Variants in PRKDC observed in about 807,000 individuals in gnomAD.
PRKDC encodes the protein protein kinase, DNA-activated, catalytic subunit.
A neutral mutation model predicts 486.9 loss-of-function variants in PRKDC; 82 were observed. That is an observed-to-expected ratio of 0.17 (90% CI 0.14 to 0.20). PRKDC has a LOEUF of 0.20. Ranked by LOEUF, PRKDC falls within the 10% of genes least tolerant of loss-of-function variation. The pLI is 1.00. For missense variants in PRKDC, 4,504 were observed against 5,038.2 expected (o/e 0.89, Z 3.21); for synonymous variants, 1,895 against 1,837.0 (o/e 1.03, Z -0.81).
At chr8:47,885,512 C>G (rs1214741887) in intron 36 of PRKDC, among the ~76,000 whole-genome samples, 5 of 152,028 alleles carry the variant, frequency 3.3e-5, no homozygotes, top group African/African-American at 7.3e-5. Context: ...TTGTTAAAAG[C>G]AAGAGCTTTC....
rs762432151 is a variant in PRKDC, at chr8:47,897,249, C to G, written c.3510G>C (p.Lys1170Asn). 1 of 1,607,396 alleles carries G rather than the reference C, an allele frequency of 6.2e-7. No homozygotes were observed. Among genetic ancestry groups the G allele is most frequent in the Non-Finnish European group, 8.5e-7 (1 of 1,174,558 alleles). ...SASLCLLDLVKWLLAHCGRPQ... is the reference protein window; with the variant it reads ...SASLCLLDLVNWLLAHCGRPQ... The stretch of plus-strand genomic sequence containing the variant: ...GCCTCCCACAATGAGCTAAAAGCCA[C>G]TTGACCAGATCCAATAAACACAATG... The change falls in exon 30 of 86, where the codon AAG (lysine) becomes AAC (asparagine). Residue 1170 changes from lysine (K) to asparagine (N), a missense_variant. Lys to Asn is a moderately conservative substitution (Grantham distance 94). Transcript: ENST00000314191.
At chr8:47,958,470 A>C (rs1279966156) in intron 1 of PRKDC, among the ~76,000 whole-genome samples, 1 of 152,132 alleles carries the variant, frequency 6.6e-6, no homozygotes, top group Non-Finnish European at 1.5e-5. Flanking sequence ...TAAACCACTA[A>C]GCTTGTGGTA....
chr8:47,929,059 T>C (rs184924798), intron 19 of PRKDC, 33 bp downstream of exon 19: 382 of 1,368,774 alleles, frequency 2.8e-4, no homozygotes, highest in Non-Finnish European at 3.6e-4. Context: ...AAACAGTTCA[T>C]GATAACACTA....
At chr8:47,868,451 C>G (rs539977792) in intron 40 of PRKDC, among the ~76,000 whole-genome samples, 3 of 151,890 alleles carry the variant, frequency 2.0e-5, no homozygotes, top group Admixed American at 6.6e-5. Context: ...GCCTGTAGTT[C>G]CAGCTACTAG....
intron 40 of PRKDC, among the ~76,000 whole-genome samples, chr8:47,874,908 T>C (rs1354442611): frequency 6.6e-6 from 1 of 151,812 alleles, no homozygotes; most frequent in Non-Finnish European, 1.5e-5. Context: ...AATACAAAAC[T>C]AGCTGGTGTG....
chr8:47,862,672 A>ATT, intron 42 of PRKDC, 131 bp from the exon 43 acceptor site: 1 of 780,656 alleles, frequency 1.3e-6, no homozygotes, highest in Non-Finnish European at 1.9e-6. Flanking sequence ...CAGGCAGAGT[A>ATT]TTAGGCACTG....
chr8:47,890,122 G>T, intron 32 of PRKDC, 135 bp downstream of exon 32: 1 of 369,986 alleles, frequency 2.7e-6, no homozygotes. Context: ...GGGTTGAGAG[G>T]ATGAAATATA....
chr8:47,957,998 T>C (rs2090736390), intron 1 of PRKDC, among the ~76,000 whole-genome samples: 1 of 150,922 alleles, frequency 6.6e-6, no homozygotes, highest in Non-Finnish European at 1.5e-5. Context: ...TAAATGTATA[T>C]AGCAAAAGGA....
intron 36 of PRKDC, among the ~76,000 whole-genome samples, chr8:47,883,949 C>A (rs1275501824): frequency 6.6e-6 from 1 of 152,234 alleles, no homozygotes; most frequent in Non-Finnish European, 1.5e-5. Flanking sequence ...GGATCACTGT[C>A]ACTGACCCAG....
intron 76 of PRKDC, among the ~76,000 whole-genome samples, chr8:47,786,844 C>T (rs1042833695): frequency 2.0e-4 from 30 of 148,836 alleles, no homozygotes; most frequent in Admixed American, 8.9e-4. Flanking sequence ...ATTCTCTTGC[C>T]TCACCCTCCT....
chr8:47,832,827 CG>C lies in PRKDC; in HGVS notation c.8153-902del, dbSNP rs1192949727. Among the ~76,000 whole-genome samples, 10 of 152,322 alleles carry C rather than the reference CG, an allele frequency of 6.6e-5. No individual in the cohort carries two copies. The East Asian group carries it at 1.3e-3, about 21-fold the overall frequency. On this transcript the variant is annotated intron_variant, in intron 59 of 85. Transcript: ENST00000314191. ...ATATGCCCAGAAAAACAGACTGAAACGGATCTACGCCCAAGGACACTTGTGC... is the reference window on the plus strand; with the variant it reads ...ATATGCCCAGAAAAACAGACTGAAACGATCTACGCCCAAGGACACTTGTGC...
In PRKDC at chr8:47,929,074, A is replaced by G. The variant is rs2090206105; in HGVS notation, c.2139+18T>C. Reference sequence around the variant, plus strand: ...AAACAGTTCATGATAACACTAAGATAAATCATTTAAAAATTACCTCTTTGC... The same window carrying G: ...AAACAGTTCATGATAACACTAAGATGAATCATTTAAAAATTACCTCTTTGC... On this transcript the variant is annotated intron_variant, in intron 19 of 85. Transcript: ENST00000314191. The G allele has an allele frequency of 1.4e-6, 2 of 1,458,816 alleles. No individual in the cohort carries two copies. 90.4% of individuals were successfully genotyped at this position (1,458,816 alleles called of 1,614,324 possible). A position where few individuals can be genotyped will look rare whatever the true frequency, so the allele number is the denominator to read the frequency against.
chr8:47,811,496 T>C (rs905402462), intron 68 of PRKDC, among the ~76,000 whole-genome samples: 2 of 152,156 alleles, frequency 1.3e-5, no homozygotes, highest in African/African-American at 4.8e-5. Flanking sequence ...GTGGTAAGTA[T>C]AATAAAGAAC....
chr8:47,850,862 T>C (rs1470686184), intron 52 of PRKDC, among the ~76,000 whole-genome samples: 1 of 152,126 alleles, frequency 6.6e-6, no homozygotes, highest in Non-Finnish European at 1.5e-5. Flanking sequence ...CAGGCTGGAG[T>C]GCAGTGGTGT....
rs1354256677 is a variant in PRKDC, at chr8:47,783,654, T to C, written c.11175+88A>G. On this transcript the variant is annotated intron_variant, in intron 78 of 85. Transcript: ENST00000314191. Reference sequence around the variant, plus strand: ...ATATATCTGTGATCAACATGGGCCGTTGTCTCATATACTAAAGGCAAACAG... The same window carrying C: ...ATATATCTGTGATCAACATGGGCCGCTGTCTCATATACTAAAGGCAAACAG... 27 of 1,275,620 alleles carry C rather than the reference T, an allele frequency of 2.1e-5. No homozygotes were observed. In the Admixed American group the frequency reaches 2.9e-4, roughly 14 times the overall value. The allele number at this position is 1,275,620 out of a possible 1,614,324, so 79.0% of individuals were successfully genotyped here.
chr8:47,840,256 A>C, intron 54 of PRKDC, 67 bp from the exon 55 acceptor site: 2 of 1,325,090 alleles, frequency 1.5e-6, no homozygotes, highest in Non-Finnish European at 1.0e-6. Flanking sequence ...AAAGTATGAC[A>C]GGCAACTTTT....
At chr8:47,791,399 C>T (rs774737940) in intron 74 of PRKDC, among the ~76,000 whole-genome samples, 7 of 152,064 alleles carry the variant, frequency 4.6e-5, no homozygotes, top group South Asian at 2.1e-4. Context: ...CGCTTGAACC[C>T]GGGAGGCGCA....
chr8:47,957,270 T>G lies in PRKDC; in HGVS notation c.232-7A>C. ...CTTCTCTACATTCACGAAACTGTAA[T>G]GAAAGAGATACATATTGTAAATATG... On this transcript the variant is annotated splice_polypyrimidine_tract_variant and splice_region_variant and intron_variant, in intron 2 of 85. Coordinates refer to ENST00000314191, the MANE Select transcript of PRKDC (RefSeq NM_006904.7). 6.3e-7 allele frequency: 1 copy of G among 1,589,276 alleles called. No homozygotes were observed. Among genetic ancestry groups the G allele is most frequent in the South Asian group, 1.1e-5 (1 of 89,570 alleles).
chr8:47,820,612 TGA>T (rs1392859094), intron 66 of PRKDC, 105 bp downstream of exon 66: 11 of 719,334 alleles, frequency 1.5e-5, no homozygotes, highest in Non-Finnish European at 1.9e-5. Flanking sequence ...ATGAGTTTAC[TGA>T]GTTTTAAAAA....
Sources: gnomAD v4.1 joint callset for allele counts (sites outside exome capture counted in the v4.1 genomes callset) on GRCh38, gnomAD v4.1.1 for gene constraint, MANE v1.5 for transcripts, NCBI Gene and HGNC (gene_info 2026-07-23, HGNC 2026-07-21) for gene names.